PROSER3: variants seen among roughly 807,000 people sequenced by gnomAD.
The protein encoded by PROSER3 is proline and serine-rich protein 3.
Under a neutral mutation model 50.2 loss-of-function variants are expected in PROSER3, and 33 were observed. The observed-to-expected ratio is 0.66, with a 90% CI of 0.50 to 0.88. The LOEUF (loss-of-function observed/expected upper bound fraction) is 0.88, where lower values mean the gene tolerates loss of function less well. Among genes scored for constraint, PROSER3 ranks in the 40% least tolerant of loss-of-function variants. PROSER3 has a pLI of 0.00. For missense variants in PROSER3, 623 were observed against 612.7 expected, an observed-to-expected ratio of 1.02 and a Z score of -0.18; for synonymous variants, 266 against 259.3, an observed-to-expected ratio of 1.03 and a Z score of -0.25.
chr19:35,767,473 C>T (rs1299077375), intron 8 of PROSER3: 2 of 353,944 alleles, frequency 5.7e-6, no homozygotes, highest in Non-Finnish European at 5.2e-6. Flanking sequence ...CCTCCACCCT[C>T]GCATCCCCAG....
downstream of PROSER3, chr19:35,769,655 A>G (rs537514936): frequency 5.3e-5 from 8 of 151,784 alleles, no homozygotes; most frequent in Admixed American, 2.0e-4. Flanking sequence ...CAGACCAAAA[A>G]CCTTAGAGTT....
rs1971179968 is a variant in PROSER3, at chr19:35,767,253, C to T, written c.957+298C>T. 8.1e-6 allele frequency: 3 copies of T among 369,606 alleles called. No homozygotes were observed. The East Asian group carries it at 1.5e-4, about 18-fold the overall frequency. 22.9% of individuals were successfully genotyped at this position (369,606 alleles called of 1,614,324 possible). A position where few individuals can be genotyped will look rare whatever the true frequency, so the allele number is the denominator to read the frequency against. ...CCCAGCTCCCACGGGTTCTTCTGGG[C>T]CCCACAGTCTGGGCCTTGGGTATCC... On this transcript the variant is annotated intron_variant, in intron 8 of 10. Transcript: ENST00000396908.
rs1362849911 is a variant in PROSER3 at position 35,758,246 on chromosome 19, C to T, written c.11+20C>T. The T allele has an allele frequency of 5.1e-6, 8 of 1,561,406 alleles. No individual in the cohort carries two copies. The highest frequency in any genetic ancestry group is 6.9e-6 in the Non-Finnish European group (8 of 1,152,828). ...CCGCAGGTGAGGCCGATCGCTCTTC[C>T]AGGGACTACAGGAGGCTGGGGAGGA... On this transcript the variant is annotated intron_variant, in intron 1 of 10. Transcript: ENST00000396908.
rs1970904735 is a variant in PROSER3 at position 35,760,005 on chromosome 19, G to T, written c.311+14G>T. ...CGTGGTGGCCAAGTAAGTACCAGCAGCCCTGGGGGAAAAAGAGGCTTTGGG... is the reference window on the plus strand; with the variant it reads ...CGTGGTGGCCAAGTAAGTACCAGCATCCCTGGGGGAAAAAGAGGCTTTGGG... On this transcript the variant is annotated intron_variant, in intron 3 of 10. Transcript: ENST00000396908. The T allele has an allele frequency of 7.7e-6, 12 of 1,550,888 alleles. No individual in the cohort carries two copies. Among genetic ancestry groups the T allele is most frequent in the Non-Finnish European group, 1.0e-5 (12 of 1,148,826 alleles).
rs564514714 is a variant in PROSER3 at position 35,758,233 on chromosome 19, C to T, written c.11+7C>T. ...GCCGCGGGATGGACCGCAGGTGAGG[C>T]CGATCGCTCTTCCAGGGACTACAGG... On this transcript the variant is annotated splice_region_variant and intron_variant, in intron 1 of 10. Transcript: ENST00000396908. 1.2e-5 allele frequency: 19 copies of T among 1,562,336 alleles called. No homozygotes were observed. The highest frequency in any genetic ancestry group is 4.7e-5 in the South Asian group (4 of 84,712).
intron 5 of PROSER3, among the ~76,000 whole-genome samples, chr19:35,764,380 G>A (rs1209967729): frequency 6.6e-6 from 1 of 152,084 alleles, no homozygotes; most frequent in African/African-American, 2.4e-5. Context: ...TAATCCACCG[G>A]GCGCGGTGGC....
At chr19:35,768,528 G>A in exon 11 of PROSER3, 1 of 1,595,418 alleles carries the variant, frequency 6.3e-7, no homozygotes, top group South Asian at 1.1e-5. Flanking sequence ...AGATTCCCTG[G>A]AGGCCAGAAG....
chr19:35,767,825 G>C, exon 9 of PROSER3: 2 of 1,613,276 alleles, frequency 1.2e-6, no homozygotes, highest in Non-Finnish European at 1.7e-6. Flanking sequence ...GAAAGCCAAG[G>C]CCTTGCCGCC....
Position 35,768,152 on chromosome 19 carries a change from C to G in PROSER3, c.1220-3C>G. 1 of 1,612,926 alleles carries G rather than the reference C, an allele frequency of 6.2e-7. No individual in the cohort carries two copies. Among genetic ancestry groups the G allele is most frequent in the Non-Finnish European group, 8.5e-7 (1 of 1,179,290 alleles). On this transcript the variant is annotated splice_polypyrimidine_tract_variant and splice_region_variant and intron_variant, in intron 9 of 10. Transcript: ENST00000396908. The stretch of plus-strand genomic sequence containing the variant: ...GGAGCTCATTCTTTTCTCCCCGGCC[C>G]AGACTCCGACGGCAGCGAGTTCCAG...
intron 3 of PROSER3, 72 bp from the exon 4 acceptor site, chr19:35,761,947 G>A (rs1970963588): frequency 1.4e-6 from 2 of 1,459,328 alleles, no homozygotes; most frequent in South Asian, 1.5e-5. Context: ...GTAAACGTTG[G>A]CTGCTATAAT....
intron 1 of PROSER3, chr19:35,759,055 A>T (rs1970865739): frequency 3.8e-6 from 1 of 262,320 alleles, no homozygotes; most frequent in Non-Finnish European, 7.4e-6. Context: ...CCACTAATAG[A>T]TATTCTGATT....
chr19:35,765,604 A>G (rs1037267910), intron 7 of PROSER3, among the ~76,000 whole-genome samples: 3 of 151,758 alleles, frequency 2.0e-5, no homozygotes, highest in African/African-American at 7.2e-5. Flanking sequence ...AAATGGTGCC[A>G]TCATAGTCCA....
At chr19:35,760,152 A>G (rs1393941690) in intron 3 of PROSER3, among the ~76,000 whole-genome samples, 161 bp downstream of exon 3, 1 of 152,238 alleles carries the variant, frequency 6.6e-6, no homozygotes, top group Non-Finnish European at 1.5e-5. Context: ...GCCTGAGTTC[A>G]AATCCCAGCT....
intron 3 of PROSER3, 94 bp downstream of exon 3, chr19:35,760,085 G>A (rs1426454875): frequency 4.6e-6 from 6 of 1,304,458 alleles, no homozygotes; most frequent in Non-Finnish European, 5.2e-6. Context: ...AGCTGTTTCT[G>A]CAGCACTCTT....
intron 8 of PROSER3, chr19:35,767,801 A>G (rs373157393): frequency 2.6e-4 from 426 of 1,610,572 alleles, no homozygotes; most frequent in Admixed American, 3.3e-4. Context: ...GTGTCGGGCC[A>G]AGGCCGAGTC....
intron 2 of PROSER3, 86 bp from the exon 3 acceptor site, chr19:35,759,703 G>T: frequency 7.6e-7 from 1 of 1,310,750 alleles, no homozygotes; most frequent in African/African-American, 1.5e-5. Context: ...CCTCTGGACT[G>T]AGACTTTGTG....
downstream of PROSER3, chr19:35,769,393 C>T (rs899784768): frequency 6.6e-6 from 1 of 150,688 alleles, no homozygotes; most frequent in East Asian, 2.0e-4. Context: ...CAAGCTTCGC[C>T]TCCCGGGTTC....
exon 9 of PROSER3, chr19:35,768,024 C>A: frequency 6.3e-7 from 1 of 1,582,450 alleles, no homozygotes; most frequent in South Asian, 1.1e-5. Flanking sequence ...CCCTCGGAGG[C>A]CCTGCTTGCC....
intron 3 of PROSER3, among the ~76,000 whole-genome samples, chr19:35,760,468 G>A (rs1568408738): frequency 6.6e-6 from 1 of 152,068 alleles, no homozygotes; most frequent in African/African-American, 2.4e-5. Flanking sequence ...TCTAAATTGG[G>A]TGTTTTGTTT....
Sources: allele counts gnomAD v4.1 joint callset (sites outside exome capture counted in the v4.1 genomes callset), GRCh38; gene constraint gnomAD v4.1.1; transcripts MANE v1.5; gene names NCBI Gene and HGNC (gene_info 2026-07-23, HGNC 2026-07-21).